Variants in SRSF10 observed in about 807,000 individuals in gnomAD.
SRSF10 encodes the protein serine and arginine rich splicing factor 10, also known as serine/arginine-rich splicing factor 10.
SRSF10 carries 9 observed loss-of-function variants against 32.6 expected under a neutral mutation model. The observed-to-expected ratio is 0.28, with a 90% confidence interval of 0.17 to 0.48. The LOEUF (loss-of-function observed/expected upper bound fraction) is 0.48, where lower values mean the gene tolerates loss of function less well. Among genes scored for constraint, SRSF10 ranks in the 20% least tolerant of loss-of-function variants. SRSF10 has a pLI of 0.99. For missense variants in SRSF10, 201 were observed against 331.8 expected, an observed-to-expected ratio of 0.61 and a Z score of 3.06; for synonymous variants, 105 against 112.4, an observed-to-expected ratio of 0.93 and a Z score of 0.42.
chr1:23,968,093 G>A lies in SRSF10; in HGVS notation c.*3049C>T. ...CATACACAGTAGGTAAACTCAGTAA[G>A]TGGGGGACTCAACTACATCACCCAA... On this transcript the variant is annotated 3_prime_UTR_variant, in exon 6 of 6. Coordinates refer to ENST00000492112, the MANE Select transcript of SRSF10 (RefSeq NM_054016.4). 7.0e-7 allele frequency: 1 copy of A among 1,433,568 alleles called. No individual in the cohort carries two copies. The highest frequency in any genetic ancestry group is 9.2e-7 in the Non-Finnish European group (1 of 1,084,048). The allele number at this position is 1,433,568 out of a possible 1,614,324, so 88.8% of individuals were successfully genotyped here.
chr1:23,977,025 T>C (rs1310138058), intron 2 of SRSF10: 1 of 152,172 alleles, frequency 6.6e-6, no homozygotes, highest in Non-Finnish European at 1.5e-5. Context: ...CTAGGTAAAA[T>C]GAGGTCTATG....
intron 3 of SRSF10, 54 bp downstream of exon 3, chr1:23,974,920 T>A: frequency 7.6e-7 from 1 of 1,310,626 alleles, no homozygotes; most frequent in African/African-American, 1.5e-5. Flanking sequence ...TAAAAAAAAA[T>A]CTCAAAACAC....
In SRSF10 at chr1:23,967,448, T is replaced by C. The variant is rs1281842401; in HGVS notation, c.*3694A>G. 2 of 474,884 alleles carry C rather than the reference T, an allele frequency of 4.2e-6. No individual in the cohort carries two copies. The highest frequency in any genetic ancestry group is 3.0e-5 in the East Asian group (1 of 32,942). The allele number at this position is 474,884 out of a possible 1,614,324, so 29.4% of individuals were successfully genotyped here. On this transcript the variant is annotated 3_prime_UTR_variant, in exon 6 of 6. Coordinates refer to ENST00000492112, the MANE Select transcript of SRSF10 (RefSeq NM_054016.4). Reference sequence around the variant, plus strand: ...TATAAACCTATTCATATTTAGGGATTAGTTTCCACAAGTACAAAGTTGAAT... The same window carrying C: ...TATAAACCTATTCATATTTAGGGATCAGTTTCCACAAGTACAAAGTTGAAT...
intron 3 of SRSF10, among the ~76,000 whole-genome samples, chr1:23,973,118 G>A (rs2148503446): frequency 1.3e-5 from 2 of 152,262 alleles, no homozygotes; most frequent in East Asian, 3.9e-4. Context: ...AGCCAAGGCT[G>A]GGTTGAGGTA....
intron 2 of SRSF10, chr1:23,975,364 C>T (rs1270922257): frequency 6.8e-6 from 2 of 292,098 alleles, no homozygotes; most frequent in South Asian, 1.5e-4. Flanking sequence ...TTGTCCTATC[C>T]AAAAATTTTC....
At chr1:23,979,983 C>T (rs978084218) in intron 1 of SRSF10, among the ~76,000 whole-genome samples, 5 of 152,222 alleles carry the variant, frequency 3.3e-5, no homozygotes, top group African/African-American at 7.2e-5. Context: ...AAAACCCCGC[C>T]ACGCGGCCCG....
chr1:23,971,432 G>A lies in SRSF10; in HGVS notation c.499C>T (p.His167Tyr). The A allele has an allele frequency of 6.2e-7, 1 of 1,608,154 alleles. No individual in the cohort carries two copies. The highest frequency in any genetic ancestry group is 8.5e-7 in the Non-Finnish European group (1 of 1,178,388). Residue 167 changes from histidine (H) to tyrosine (Y), a missense_variant, in exon 6 of 6, where the codon CAC becomes TAC. Transcript: ENST00000492112. ...RSHSDNDRFKHRNRSFSRSKS... is the reference protein window; with the variant it reads ...RSHSDNDRFKYRNRSFSRSKS... ...GATCTTGAAAAAGATCGATTTCGGT[G>A]TTTGAATCTTTCAAAACAGAGGAGA...
At position 23,966,877 on chromosome 1, in the gene SRSF10, G is replaced by A. The variant is rs1304926662; in HGVS notation, c.*4265C>T. On this transcript the variant is annotated 3_prime_UTR_variant, in exon 6 of 6. Transcript: ENST00000492112. ...GTATATTGTGTTCTATAATTACATTGATACGAATGGTGTAAAATATTGTTA... is the reference window on the plus strand; with the variant it reads ...GTATATTGTGTTCTATAATTACATTAATACGAATGGTGTAAAATATTGTTA... 6.6e-6 allele frequency: 1 copy of A among 151,934 alleles called. No homozygotes were observed. The highest frequency in any genetic ancestry group is 2.4e-5 in the African/African-American group (1 of 41,388). 9.4% of individuals were successfully genotyped at this position (151,934 alleles called of 1,614,324 possible).
At chr1:23,976,342 G>A (rs891812292) in intron 2 of SRSF10, 1 of 152,150 alleles carries the variant, frequency 6.6e-6, no homozygotes, top group Admixed American at 6.5e-5. Flanking sequence ...AAGGAATTAA[G>A]GACTGCAGGT....
At chr1:23,979,726 G>A (rs1293435280) in intron 1 of SRSF10, among the ~76,000 whole-genome samples, 1 of 152,046 alleles carries the variant, frequency 6.6e-6, no homozygotes, top group Non-Finnish European at 1.5e-5. Context: ...ATTAACAACG[G>A]CAACAACAAC....
In SRSF10 at chr1:23,978,835, G is replaced by C. The variant is rs1642235468; in HGVS notation, c.66-18C>G. On this transcript the variant is annotated intron_variant, in intron 1 of 5. Transcript: ENST00000492112. ...CTTCAGACCTAAAACATCATAAAAA[G>C]ACCTCAAATTTTTATGTCCAAGTCC... 1 of 1,590,954 alleles carries C rather than the reference G, an allele frequency of 6.3e-7. No individual in the cohort carries two copies. The highest frequency in any genetic ancestry group is 1.3e-5 in the African/African-American group (1 of 74,228).
In SRSF10 at chr1:23,967,667, A is replaced by G; in HGVS notation, c.*3475T>C. ...TCTTTGGTTCTTTTTCCGCTTTCAG[A>G]TCTTTCTTGAAGTGTAGTAAGCAGA... On this transcript the variant is annotated 3_prime_UTR_variant, in exon 6 of 6. Coordinates refer to ENST00000492112, the MANE Select transcript of SRSF10 (RefSeq NM_054016.4). 1.3e-6 allele frequency: 2 copies of G among 1,577,988 alleles called. No homozygotes were observed. The highest frequency in any genetic ancestry group is 3.3e-5 in the Admixed American group (2 of 59,860).
chr1:23,974,880 T>C (rs112936784), intron 3 of SRSF10, 94 bp downstream of exon 3: 45 of 940,300 alleles, frequency 4.8e-5, no homozygotes, highest in African/African-American at 4.4e-4. Context: ...CCTTTGGGTT[T>C]TGAACAGAAA....
At position 23,967,945 on chromosome 1, in the gene SRSF10, T is replaced by C. The variant is rs780793068; in HGVS notation, c.*3197A>G. 1.6e-5 allele frequency: 25 copies of C among 1,515,448 alleles called. No individual in the cohort carries two copies. The highest frequency in any genetic ancestry group is 1.7e-4 in the Middle Eastern group (1 of 5,968). 93.9% of individuals were successfully genotyped at this position (1,515,448 alleles called of 1,614,324 possible). ...GAAGCATTATCTCTCATTTTTCTTC[T>C]TGCTTACTTGGCTTCAAAAAAAAAA... On this transcript the variant is annotated 3_prime_UTR_variant, in exon 6 of 6. Coordinates refer to ENST00000492112, the MANE Select transcript of SRSF10 (RefSeq NM_054016.4).
rs796866801 is a variant in SRSF10 at position 23,980,135 on chromosome 1, T to G, written c.65+56A>C. On this transcript the variant is annotated intron_variant, in intron 1 of 5. Transcript: ENST00000492112. ...CCCAGTGCCGCCACCACCAGGGTCC[T>G]CTCCAGGCGCCTGCGGCCTCCCCGC... The G allele has an allele frequency of 1.0e-3, 1,565 of 1,504,904 alleles. 13 individuals are homozygous for G. In the African/African-American group the frequency reaches 0.02, roughly 19 times the overall value. 93.2% of individuals were successfully genotyped at this position (1,504,904 alleles called of 1,614,324 possible). A position where few individuals can be genotyped will look rare whatever the true frequency, so the allele number is the denominator to read the frequency against.
At position 23,970,561 on chromosome 1, in the gene SRSF10, G is replaced by T. The variant is rs375743272; in HGVS notation, c.*581C>A. On this transcript the variant is annotated 3_prime_UTR_variant, in exon 6 of 6. Transcript: ENST00000492112. ...TTTTTAGTAGAGACGGGGTTTCACCGTGTTGGTCAGGCTGGTCTCGAACTC... is the reference window on the plus strand; with the variant it reads ...TTTTTAGTAGAGACGGGGTTTCACCTTGTTGGTCAGGCTGGTCTCGAACTC... 2 of 599,048 alleles carry T rather than the reference G, an allele frequency of 3.3e-6. No individual in the cohort carries two copies. The highest frequency in any genetic ancestry group is 4.2e-6 in the Non-Finnish European group (2 of 477,796). The allele number at this position is 599,048 out of a possible 1,614,324, so 37.1% of individuals were successfully genotyped here.
At chr1:23,976,116 T>C (rs1011705717) in intron 2 of SRSF10, 3 of 152,228 alleles carry the variant, frequency 2.0e-5, no homozygotes, top group African/African-American at 4.8e-5. Context: ...CTAGGTTAGG[T>C]ACAGGTATAG....
At chr1:23,977,000 C>A (rs1304748624) in intron 2 of SRSF10, 1 of 152,106 alleles carries the variant, frequency 6.6e-6, no homozygotes, top group African/African-American at 2.4e-5. Context: ...ACCTTGATTC[C>A]TCGGCCACCC....
rs1276381961 is a variant in SRSF10 at position 23,971,611 on chromosome 1, T to C, written c.453A>G (p.Gly151=). 1.9e-6 allele frequency: 3 copies of C among 1,610,944 alleles called. No homozygotes were observed. The highest frequency in any genetic ancestry group is 2.5e-6 in the Non-Finnish European group (3 of 1,179,864). Residue 151 remains glycine, a synonymous_variant, in exon 5 of 6, where the codon GGA becomes GGG. Coordinates refer to ENST00000492112, the MANE Select transcript of SRSF10 (RefSeq NM_054016.4). ...AATGGCTTCTGCTACGCCGTGGTCT[T>C]CCAGTCGGTCTACTGCTAAAAAGCA... ...SYSPRNSRPT[G]RPRRSRSHSD... is the part of the protein sequence containing the mutation.
Sources: allele counts gnomAD v4.1 joint callset (sites outside exome capture counted in the v4.1 genomes callset), GRCh38; gene constraint gnomAD v4.1.1; transcripts MANE v1.5; gene names NCBI Gene and HGNC (gene_info 2026-07-23, HGNC 2026-07-21).